The following CHTF18 variants were observed in gnomAD, a reference collection of about 807,000 sequenced individuals.
The protein encoded by CHTF18 is chromosome transmission fidelity protein 18 homolog.
In CHTF18, 151 loss-of-function variants were observed where a neutral mutation model predicts 113.4. The observed-to-expected ratio is 1.33, with a 90% CI of 1.17 to 1.52. CHTF18 has a LOEUF of 1.52. Ranked by LOEUF, CHTF18 falls within the 40% of genes most tolerant of loss-of-function variation. The probability of loss-of-function intolerance (pLI) is 0.00; values close to 1 mark genes in which losing one functional copy is unlikely to be tolerated. For missense variants in CHTF18, 1,982 were observed against 1,381.6 expected (o/e 1.43, Z -6.89); for synonymous variants, 916 against 598.8 (o/e 1.53, Z -7.74).
intron 11 of CHTF18, 44 bp from the exon 12 acceptor site, chr16:792,674 G>A (rs776437090): frequency 1.3e-6 from 2 of 1,587,144 alleles, no homozygotes; most frequent in Non-Finnish European, 8.5e-7. Context: ...GTCCTGGGCT[G>A]TGGTGCCAAC....
chr16:797,566 G>A, intron 20 of CHTF18, 128 bp from the exon 21 acceptor site: 2 of 966,488 alleles, frequency 2.1e-6, no homozygotes, highest in Non-Finnish European at 3.1e-6. Context: ...GCCTGGGCCA[G>A]GTTCCGAAAG....
chr16:792,591 G>A lies in CHTF18; in HGVS notation c.1478+1G>A, dbSNP rs1297937935. ...CCATTATCTGCATTTGCAATGACCA[G>A]TGAGTGCATGGGCGGGCGCCACAGT... On this transcript the variant is annotated splice_donor_variant, in intron 11 of 21. Coordinates refer to ENST00000262315, the MANE Select transcript of CHTF18 (RefSeq NM_022092.3). LOFTEE classifies it high-confidence loss of function. The A allele has an allele frequency of 6.3e-7, 1 of 1,595,560 alleles. No homozygotes were observed. Among genetic ancestry groups the A allele is most frequent in the South Asian group, 1.1e-5 (1 of 89,352 alleles).
Position 789,529 on chromosome 16 carries a change from G to A in CHTF18, c.438-18G>A. ...CCCACGCTTGAGTTTCTGCCACTGA[G>A]CCCCGGTCTCTCTCCAGAGTCTCAG... On this transcript the variant is annotated intron_variant, in intron 3 of 21. Coordinates refer to ENST00000262315, the MANE Select transcript of CHTF18 (RefSeq NM_022092.3). 3.8e-6 allele frequency: 6 copies of A among 1,582,880 alleles called. No individual in the cohort carries two copies. The highest frequency in any genetic ancestry group is 5.2e-6 in the Non-Finnish European group (6 of 1,163,936).
chr16:789,284 C>T lies in CHTF18; in HGVS notation c.361C>T (p.Pro121Ser), dbSNP rs772314979. 64 of 1,582,902 alleles carry T rather than the reference C, an allele frequency of 4.0e-5. No homozygotes were observed. The highest frequency in any genetic ancestry group is 3.4e-4 in the Middle Eastern group (2 of 5,890). The stretch of plus-strand genomic sequence containing the variant: ...CAGATCGGAGGAGATGGAGGAGCCG[C>T]CCCCTCCCGACTCCTCGCCGACGGA... ...NFRSEEMEEP[P>S]PPDSSPTDIT... Residue 121 changes from proline to serine, a missense_variant, in exon 3 of 22, where the codon CCC (proline) becomes TCC (serine). Physicochemically the swap from Pro to Ser is moderately conservative, Grantham distance 74. Coordinates refer to ENST00000262315, the MANE Select transcript of CHTF18 (RefSeq NM_022092.3).
At chr16:790,085 G>A in intron 4 of CHTF18, 92 bp from the exon 5 acceptor site, 7 of 1,538,388 alleles carry the variant, frequency 4.6e-6, no homozygotes, top group Non-Finnish European at 5.2e-6. Context: ...TACTGGGGTT[G>A]TCCCACCCGG....
rs1885245921 is a variant in CHTF18, at chr16:793,508, C to G, written c.1802+234C>G. 6.5e-6 allele frequency: 4 copies of G among 611,114 alleles called. No individual in the cohort carries two copies. In the South Asian group the frequency reaches 8.0e-5, roughly 12 times the overall value. The allele number at this position is 611,114 out of a possible 1,614,324, so 37.9% of individuals were successfully genotyped here. A position where few individuals can be genotyped will look rare whatever the true frequency, so the allele number is the denominator to read the frequency against. ...AGGGCCCCCTGTGGGAAGGACACCC[C>G]CAGTGTGGTGGGGCCTCCAGGGCGT... is the stretch of plus-strand genomic sequence containing the variant. On this transcript the variant is annotated intron_variant, in intron 14 of 21. Transcript: ENST00000262315.
At chr16:793,403 C>T (rs2042255548) in intron 14 of CHTF18, 129 bp downstream of exon 14, 2 of 1,230,652 alleles carry the variant, frequency 1.6e-6, no homozygotes, top group South Asian at 1.5e-5. Context: ...TTGCCTGGTC[C>T]AGCCTCCAGG....
rs767457305 is a variant in CHTF18, at chr16:788,727, T to C, written c.43T>C (p.Phe15Leu). Residue 15 changes from phenylalanine (F) to leucine (L), a missense_variant, in exon 1 of 22, where the codon TTC becomes CTC. Transcript: ENST00000262315. ...EQELCGVEDD[F>L]HNQFAAELEV... ...GGAGCTGTGCGGCGTCGAGGATGAT[T>C]TCCACAACCAGTTCGCGGCCGAGCT... 1.2e-6 allele frequency: 2 copies of C among 1,603,162 alleles called. No individual in the cohort carries two copies. The highest frequency in any genetic ancestry group is 1.7e-6 in the Non-Finnish European group (2 of 1,175,992).
intron 8 of CHTF18, 22 bp downstream of exon 8, chr16:791,392 G>A (rs748976957): frequency 6.3e-6 from 10 of 1,578,306 alleles, no homozygotes; most frequent in East Asian, 2.3e-5. Context: ...TGGCTGTGCC[G>A]CCGGGAACAA....
At chr16:791,132 C>T in intron 7 of CHTF18, 29 bp from the exon 8 acceptor site, 2 of 1,591,198 alleles carry the variant, frequency 1.3e-6, no homozygotes, top group South Asian at 1.1e-5. Context: ...TGCCCTCAGG[C>T]TGTGCTTCCC....
chr16:796,136 G>A lies in CHTF18; in HGVS notation c.2456+59G>A. 4.5e-6 allele frequency: 7 copies of A among 1,556,306 alleles called. No homozygotes were observed. In the South Asian group the frequency reaches 5.9e-5, roughly 13 times the overall value. ...GTCATGCTCCCCGGCTGTGCTCCATGTTCAGGGCCCGCATGGGGCCAGGAG... is the reference window on the plus strand; with the variant it reads ...GTCATGCTCCCCGGCTGTGCTCCATATTCAGGGCCCGCATGGGGCCAGGAG... On this transcript the variant is annotated intron_variant, in intron 18 of 21. Transcript: ENST00000262315.
rs1183554319 is a variant in CHTF18 at position 796,489 on chromosome 16, T to C, written c.2457-228T>C. The stretch of plus-strand genomic sequence containing the variant: ...GCTGAGTCACTCTCCGTGGCAGCCA[T>C]CGGCAGGTTTCATCATCATCCCACG... On this transcript the variant is annotated intron_variant, in intron 18 of 21. Coordinates refer to ENST00000262315, the MANE Select transcript of CHTF18 (RefSeq NM_022092.3). 4 of 593,628 alleles carry C rather than the reference T, an allele frequency of 6.7e-6. No individual in the cohort carries two copies. The African/African-American group carries it at 7.5e-5, about 11-fold the overall frequency. The allele number at this position is 593,628 out of a possible 1,614,324, so 36.8% of individuals were successfully genotyped here. A position where few individuals can be genotyped will look rare whatever the true frequency, so the allele number is the denominator to read the frequency against.
intron 12 of CHTF18, 29 bp from the exon 13 acceptor site, chr16:792,937 C>T (rs537531186): frequency 9.1e-6 from 14 of 1,545,618 alleles, no homozygotes; most frequent in Middle Eastern, 1.7e-4. Context: ...GGCATACCAT[C>T]GGGCCCTCCA....
At position 797,695 on chromosome 16, in the gene CHTF18, C is replaced by T. The variant is rs749556777; in HGVS notation, c.2735C>T (p.Pro912Leu). 2.5e-6 allele frequency: 4 copies of T among 1,609,264 alleles called. No homozygotes were observed. Among genetic ancestry groups the T allele is most frequent in the South Asian group, 2.2e-5 (2 of 90,966 alleles). ...CTGACTAGTCCTTCCTCCCATCAGC[C>T]TGAGAAGGACTTCTTTGGACGTGTG... ...IMRRAAREEQ[P>L]EKDFFGRVVV... Residue 912 changes from proline to leucine, a missense_variant and splice_region_variant, in exon 21 of 22, where the codon CCT (proline) becomes CTT (leucine). Coordinates refer to ENST00000262315, the MANE Select transcript of CHTF18 (RefSeq NM_022092.3).
In CHTF18 at chr16:791,236, A is replaced by T; in HGVS notation, c.970A>T (p.Lys324Ter). The T allele has an allele frequency of 6.2e-7, 1 of 1,611,254 alleles. No individual in the cohort carries two copies. Among genetic ancestry groups the T allele is most frequent in the East Asian group, 2.2e-5 (1 of 44,836 alleles). Residue 324 changes from lysine (K) to a stop codon, truncating the protein, a stop_gained, in exon 8 of 22, where the codon AAG becomes TAG. Coordinates refer to ENST00000262315, the MANE Select transcript of CHTF18 (RefSeq NM_022092.3). LOFTEE classifies it high-confidence loss of function. ...VVFGHERPSRKPRPSVEPARV... is the reference protein window; with the variant it reads ...VVFGHERPSR ...GTTTGGCCACGAGAGGCCTTCCCGG[A>T]AGCCCAGGCCCAGTGTTGAGCCGGC...
intron 8 of CHTF18, 122 bp downstream of exon 8, chr16:791,492 T>C: frequency 6.9e-7 from 1 of 1,447,346 alleles, no homozygotes; most frequent in Non-Finnish European, 9.1e-7. Context: ...GGTCTTGGCG[T>C]GAAGCGCCAT....
intron 19 of CHTF18, 42 bp downstream of exon 19, chr16:796,903 T>C: frequency 2.6e-6 from 4 of 1,557,958 alleles, no homozygotes; most frequent in Middle Eastern, 1.7e-4. Flanking sequence ...AGTCTGGGCG[T>C]GCACCATCCC....
rs1225244499 is a variant in CHTF18 at position 795,801 on chromosome 16, G to C, written c.2292G>C (p.Leu764=). 2 of 1,609,814 alleles carry C rather than the reference G, an allele frequency of 1.2e-6. No homozygotes were observed. The highest frequency in any genetic ancestry group is 1.7e-6 in the Non-Finnish European group (2 of 1,179,024). The change falls in exon 17 of 22, where the codon CTG becomes CTC. Residue 764 remains leucine (L), a synonymous_variant. Transcript: ENST00000262315. ...PQALLLDALC[L]LLDILAPKLR... is the part of the protein sequence containing the mutation. ...CCCTGCTCCTCGATGCCCTCTGCCT[G>C]CTCCTGGACATTCTTGCACCCAAGC...
At chr16:788,849 C>T (rs1358653590) in intron 1 of CHTF18, 74 bp downstream of exon 1, 29 of 1,521,384 alleles carry the variant, frequency 1.9e-5, no homozygotes, top group African/African-American at 2.9e-5. Context: ...GAGGGCGTGC[C>T]GGGGGCCGAA....
Sources: allele counts gnomAD v4.1 joint callset, GRCh38; gene constraint gnomAD v4.1.1; transcripts MANE v1.5; gene names NCBI Gene and HGNC (gene_info 2026-07-23, HGNC 2026-07-21).